Variants in ITPR1 observed in about 807,000 individuals in gnomAD.
ITPR1 encodes the protein inositol 1,4,5-trisphosphate-gated calcium channel ITPR1.
A neutral mutation model predicts 318.4 loss-of-function variants in ITPR1; 96 were observed. The observed-to-expected ratio is 0.30, with a 90% confidence interval of 0.26 to 0.36. The LOEUF (loss-of-function observed/expected upper bound fraction) is 0.36. Ranked by LOEUF, ITPR1 falls within the 10% of genes least tolerant of loss-of-function variation. The pLI is 1.00. For synonymous variants in ITPR1, 1,312 were observed against 1,289.9 expected (o/e 1.02, Z -0.37); for missense variants, 2,440 against 3,460.2 (o/e 0.71, Z 7.40).
At chr3:4,683,024 A>G (rs1200387300) in intron 26 of ITPR1, among the ~76,000 whole-genome samples, 1 of 152,228 alleles carries the variant, frequency 6.6e-6, no homozygotes, top group East Asian at 1.9e-4. Flanking sequence ...CCTCATCTCT[A>G]AAAACTAAAT....
chr3:4,749,243 G>A (rs761642476), intron 44 of ITPR1: 1 of 152,118 alleles, frequency 6.6e-6, no homozygotes, highest in East Asian at 1.9e-4. Flanking sequence ...AACCATAATG[G>A]CAAATAGCTA....
At chr3:4,746,205 G>T (rs1233969235) in intron 44 of ITPR1, among the ~76,000 whole-genome samples, 1 of 152,182 alleles carries the variant, frequency 6.6e-6, no homozygotes, top group Non-Finnish European at 1.5e-5. Flanking sequence ...CTGCCTCTGG[G>T]CATTTCTCTC....
chr3:4,614,919 A>G (rs1178105202), intron 4 of ITPR1, among the ~76,000 whole-genome samples: 2 of 152,180 alleles, frequency 1.3e-5, no homozygotes, highest in African/African-American at 2.4e-5. Context: ...GCAGAGCACA[A>G]TGCCTTATCA....
chr3:4,645,644 G>T lies in ITPR1; in HGVS notation c.771G>T (p.Arg257Ser). The T allele has an allele frequency of 2.5e-6, 4 of 1,613,490 alleles. No homozygotes were observed. Among genetic ancestry groups the T allele is most frequent in the Non-Finnish European group, 3.4e-6 (4 of 1,179,706 alleles). Residue 257 changes from arginine to serine, a missense_variant, in exon 10 of 62, where the codon AGG becomes AGT. Arg to Ser is a moderately radical substitution (Grantham distance 110). Around this residue, in one of 23 missense-constraint regions of ITPR1, gnomAD observed 186 missense variants for 323.9 expected, o/e 0.57. Coordinates refer to ENST00000649015, the MANE Select transcript of ITPR1 (RefSeq NM_001378452.1). The part of the protein sequence containing the change: ...QEKFLTCDEH[R>S]KKQHVFLRTT... ...AGTTTCTCACCTGTGACGAACACAG[G>T]AAGAAGCAGCACGTCTTCCTGAGAA... is the stretch of plus-strand genomic sequence containing the variant.
chr3:4,549,427 A>G (rs929409757), intron 4 of ITPR1, among the ~76,000 whole-genome samples: 5 of 152,270 alleles, frequency 3.3e-5, no homozygotes, highest in African/African-American at 1.2e-4. Flanking sequence ...TAAATGAAGC[A>G]TTAAAGTGCT....
At chr3:4,804,224 A>C (rs981497196) in intron 54 of ITPR1, among the ~76,000 whole-genome samples, 21 of 152,222 alleles carry the variant, frequency 1.4e-4, no homozygotes, top group Admixed American at 4.6e-4. Flanking sequence ...TGGGAGAGGG[A>C]AAGTACCTGT....
intron 4 of ITPR1, among the ~76,000 whole-genome samples, chr3:4,611,447 C>A (rs1004598258): frequency 1.3e-5 from 2 of 151,800 alleles, no homozygotes; most frequent in Non-Finnish European, 2.9e-5. Flanking sequence ...GTAATCCTAG[C>A]TACTTGGGAG....
intron 6 of ITPR1, among the ~76,000 whole-genome samples, chr3:4,641,503 A>G (rs1487254293): frequency 6.6e-6 from 1 of 152,168 alleles, no homozygotes; most frequent in Admixed American, 6.5e-5. Context: ...CAACCTCCTG[A>G]GTAGCAGGGA....
chr3:4,541,808 T>G (rs1037366648), intron 4 of ITPR1, among the ~76,000 whole-genome samples: 1 of 152,078 alleles, frequency 6.6e-6, no homozygotes, highest in African/African-American at 2.4e-5. Context: ...GTATTTTTAG[T>G]AGAAATGGGA....
At chr3:4,622,032 G>A (rs925629532) in intron 4 of ITPR1, among the ~76,000 whole-genome samples, 1 of 151,290 alleles carries the variant, frequency 6.6e-6, no homozygotes, top group Non-Finnish European at 1.5e-5. Flanking sequence ...CCTGTCACTG[G>A]TATTGTGGTA....
chr3:4,619,916 A>G (rs768287092), intron 4 of ITPR1, among the ~76,000 whole-genome samples: 1 of 147,384 alleles, frequency 6.8e-6, no homozygotes, highest in Non-Finnish European at 1.5e-5. Context: ...TCTGTAGTAC[A>G]TTAAAACATT....
At chr3:4,554,836 A>G (rs2085968108) in intron 4 of ITPR1, among the ~76,000 whole-genome samples, 1 of 152,140 alleles carries the variant, frequency 6.6e-6, no homozygotes, top group African/African-American at 2.4e-5. Flanking sequence ...TTTATGAATG[A>G]TAGTGTAAAT....
At chr3:4,564,840 C>T (rs1443666751) in intron 4 of ITPR1, among the ~76,000 whole-genome samples, 3 of 152,088 alleles carry the variant, frequency 2.0e-5, no homozygotes, top group Admixed American at 2.0e-4. Flanking sequence ...GACTTCAACA[C>T]AGGAGTTTAA....
intron 5 of ITPR1, among the ~76,000 whole-genome samples, chr3:4,632,362 G>A (rs1235661799): frequency 3.3e-5 from 5 of 152,112 alleles, no homozygotes; most frequent in African/African-American, 4.8e-5. Flanking sequence ...TACCACAGGG[G>A]TTGTAAATTC....
intron 48 of ITPR1, among the ~76,000 whole-genome samples, chr3:4,778,976 G>C (rs546754877): frequency 1.3e-3 from 205 of 152,354 alleles, no homozygotes; most frequent in African/African-American, 4.4e-3. Flanking sequence ...TAATGTAATG[G>C]GAAATTAGGG....
At chr3:4,505,971 A>G (rs1370558737) in intron 2 of ITPR1, among the ~76,000 whole-genome samples, 1 of 152,220 alleles carries the variant, frequency 6.6e-6, no homozygotes, top group Non-Finnish European at 1.5e-5. Context: ...GTTTATGAGA[A>G]TAGAAAATAG....
chr3:4,662,523 G>A (rs2093856798), intron 15 of ITPR1, among the ~76,000 whole-genome samples: 1 of 152,056 alleles, frequency 6.6e-6, no homozygotes, highest in Non-Finnish European at 1.5e-5. Context: ...AGCAGTTCGA[G>A]ACCAGCCTGC....
chr3:4,568,788 A>T (rs2087666873), intron 4 of ITPR1, among the ~76,000 whole-genome samples: 1 of 152,164 alleles, frequency 6.6e-6, no homozygotes, highest in Non-Finnish European at 1.5e-5. Context: ...CTATGAGTGT[A>T]TTAGGCTTTT....
At chr3:4,762,062 T>C (rs1462268652) in intron 44 of ITPR1, among the ~76,000 whole-genome samples, 2 of 152,224 alleles carry the variant, frequency 1.3e-5, no homozygotes, top group Admixed American at 6.5e-5. Context: ...AGAAGAAGTA[T>C]GTTAGTTCTT....
Sources: gnomAD v4.1 joint callset for allele counts (sites outside exome capture counted in the v4.1 genomes callset) on GRCh38, gnomAD v4.1.1 for gene constraint, gnomAD v4.1.1 regional missense constraint, MANE v1.5 for transcripts, NCBI Gene and HGNC (gene_info 2026-07-23, HGNC 2026-07-21) for gene names.